Variants in RPS6KA6 observed in about 807,000 individuals in gnomAD.
RPS6KA6 encodes ribosomal protein S6 kinase A6.
A neutral mutation model predicts 65.4 loss-of-function variants in RPS6KA6; 27 were observed. The ratio of observed to expected loss-of-function variants is 0.41; its 90% CI spans 0.30 to 0.57. The LOEUF (loss-of-function observed/expected upper bound fraction) is 0.57, where lower values mean the gene tolerates loss of function less well. Among genes scored for constraint, RPS6KA6 ranks in the 20% least tolerant of loss-of-function variants. RPS6KA6 has a pLI of 0.24. For synonymous variants in RPS6KA6, 190 were observed against 184.2 expected, an observed-to-expected ratio of 1.03 and a Z score of -0.26; for missense variants, 486 against 555.6, an observed-to-expected ratio of 0.87 and a Z score of 1.26.
Position 84,104,523 on chromosome X carries a change from T to C in RPS6KA6, c.1590A>G (p.Thr530=). 1 of 1,152,560 alleles carries C rather than the reference T, an allele frequency of 8.7e-7. No individual in the cohort carries two copies. The highest frequency in any genetic ancestry group is 2.2e-5 in the South Asian group (1 of 45,426). 95.0% of individuals were successfully genotyped at this position (1,152,560 alleles called of 1,213,427 possible). Residue 530 remains threonine (T), a synonymous_variant, in exon 17 of 22, where the codon ACA becomes ACG. Transcript: ENST00000262752. ...ASDILYVISK[T]VDYLHCQGVV... The stretch of plus-strand genomic sequence containing the variant: ...CTCCTTGACAATGAAGATAGTCAAC[T>C]GTCTTACTTATTACATATAGTATAT...
intron 8 of RPS6KA6, among the ~76,000 whole-genome samples, chrX:84,133,037 A>C (rs1363737040): frequency 8.9e-6 from 1 of 112,429 alleles, no homozygotes; most frequent in African/African-American, 3.2e-5. Context: ...AAGAATATAA[A>C]ATAAATCAAA....
intron 20 of RPS6KA6, among the ~76,000 whole-genome samples, chrX:84,067,915 G>C (rs2033440943): frequency 8.9e-6 from 1 of 112,044 alleles, no homozygotes; most frequent in African/African-American, 3.3e-5. Context: ...ACTAACAGTA[G>C]ATCTCTCTGC....
chrX:84,059,487 A>T lies in RPS6KA6; in HGVS notation c.*4790T>A, dbSNP rs1466323776. On this transcript the variant is annotated 3_prime_UTR_variant, in exon 22 of 22. Transcript: ENST00000262752. ...AAAAATAATTTTATCATACTAAAAA[A>T]CAAAACACTACATATTTGTTATAAG... 2 of 111,720 alleles carry T rather than the reference A, an allele frequency of 1.8e-5. No homozygotes were observed. Among genetic ancestry groups the T allele is most frequent in the Admixed American group, 1.9e-4 (2 of 10,466 alleles). 9.2% of individuals were successfully genotyped at this position (111,720 alleles called of 1,213,427 possible). A position where few individuals can be genotyped will look rare whatever the true frequency, so the allele number is the denominator to read the frequency against.
chrX:84,188,389 G>A (rs1210755881), upstream of RPS6KA6, among the ~76,000 whole-genome samples: 1 of 109,671 alleles, frequency 9.1e-6, no homozygotes, highest in Non-Finnish European at 1.9e-5. Flanking sequence ...GTGGATGCGG[G>A]GGACCGCGTG....
chrX:84,130,404 G>A lies in RPS6KA6; in HGVS notation c.646+4378C>T, dbSNP rs749594646. Among the ~76,000 whole-genome samples the A allele has an allele frequency of 1.4e-4, 16 of 111,589 alleles. No homozygotes were observed. In the East Asian group the frequency reaches 4.2e-3, roughly 29 times the overall value. ...CAGATCCACTGGACATTGTGGGTGG[G>A]TATACAAAATATTACAACCACTTTG... On this transcript the variant is annotated intron_variant, in intron 8 of 21. Coordinates refer to ENST00000262752, the MANE Select transcript of RPS6KA6 (RefSeq NM_014496.5).
intron 20 of RPS6KA6, among the ~76,000 whole-genome samples, chrX:84,092,658 A>G (rs751046311): frequency 9.0e-6 from 1 of 110,715 alleles, no homozygotes; most frequent in Non-Finnish European, 1.9e-5. Context: ...CCTCACTCCA[A>G]TCAGAGTGGC....
intron 20 of RPS6KA6, among the ~76,000 whole-genome samples, chrX:84,080,348 C>T (rs2033765453): frequency 2.0e-5 from 1 of 51,016 alleles, no homozygotes. Context: ...AAAGGATGTC[C>T]AGACAAAAAC....
chrX:84,150,281 C>A (rs2035276997), intron 3 of RPS6KA6, among the ~76,000 whole-genome samples: 1 of 111,393 alleles, frequency 9.0e-6, no homozygotes, highest in Non-Finnish European at 1.9e-5. Context: ...AAGGCTGTTT[C>A]ACTTTCTTCT....
At chrX:84,181,741 A>G (rs1007706322) in intron 1 of RPS6KA6, among the ~76,000 whole-genome samples, 1 of 110,465 alleles carries the variant, frequency 9.1e-6, no homozygotes, top group Non-Finnish European at 1.9e-5. Context: ...CCAGGTAAAT[A>G]TAACACACAG....
intron 1 of RPS6KA6, among the ~76,000 whole-genome samples, chrX:84,171,404 A>G (rs1312006188): frequency 8.9e-6 from 1 of 111,918 alleles, no homozygotes; most frequent in African/African-American, 3.3e-5. Flanking sequence ...CCCCTGAAAC[A>G]GACTTTCCAG....
intron 8 of RPS6KA6, among the ~76,000 whole-genome samples, chrX:84,122,735 T>C (rs967184812): frequency 1.8e-5 from 2 of 111,437 alleles, no homozygotes; most frequent in Admixed American, 1.9e-4. Context: ...GCCAAAGTGC[T>C]CTGGGGTCCT....
intron 2 of RPS6KA6, among the ~76,000 whole-genome samples, chrX:84,157,468 T>A (rs757619726): frequency 3.6e-5 from 4 of 111,606 alleles, no homozygotes; most frequent in East Asian, 5.6e-4. Context: ...GGTCCTTTTT[T>A]AAAAAAGTAA....
At chrX:84,158,334 T>C (rs764649123) in intron 2 of RPS6KA6, among the ~76,000 whole-genome samples, 34 of 110,945 alleles carry the variant, frequency 3.1e-4, no homozygotes, top group Non-Finnish European at 4.4e-4. Context: ...ACCTTAAATA[T>C]ATACAATAGA....
chrX:84,148,197 A>G (rs1193629904), intron 3 of RPS6KA6, 74 bp from the exon 4 acceptor site: 3 of 573,918 alleles, frequency 5.2e-6, no homozygotes, highest in Non-Finnish European at 8.4e-6. Flanking sequence ...CAAACACACC[A>G]GCATACACTT....
chrX:84,148,199 C>G, intron 3 of RPS6KA6, 76 bp from the exon 4 acceptor site: 1 of 569,541 alleles, frequency 1.8e-6, no homozygotes. Flanking sequence ...AACACACCAG[C>G]ATACACTTAT....
chrX:84,138,472 G>T (rs189382315), intron 6 of RPS6KA6, among the ~76,000 whole-genome samples: 98 of 111,289 alleles, frequency 8.8e-4, no homozygotes, highest in African/African-American at 2.9e-3. Context: ...AGGATTGCCT[G>T]AGCATGGGAG....
chrX:84,165,026 G>A (rs954312057), intron 1 of RPS6KA6, among the ~76,000 whole-genome samples: 11 of 110,964 alleles, frequency 9.9e-5, no homozygotes, highest in South Asian at 3.8e-4. Context: ...CCTCTTGTCC[G>A]TTTCTGTAAA....
chrX:84,100,118 A>C lies in RPS6KA6; in HGVS notation c.1776+1919T>G, dbSNP rs2034231935. 2.7e-5 allele frequency among the ~76,000 whole-genome samples: 3 copies of C among 111,761 alleles called. No homozygotes were observed. The Admixed American group carries it at 2.9e-4, about 11-fold the overall frequency. Reference sequence around the variant, plus strand: ...ATTAATAACAATTTACAAATATATTATTGATTCCTAGCATGGGCTTCATCA... The same window carrying C: ...ATTAATAACAATTTACAAATATATTCTTGATTCCTAGCATGGGCTTCATCA... On this transcript the variant is annotated intron_variant, in intron 18 of 21. Coordinates refer to ENST00000262752, the MANE Select transcript of RPS6KA6 (RefSeq NM_014496.5).
At chrX:84,066,024 C>A (rs1271060803) in intron 20 of RPS6KA6, among the ~76,000 whole-genome samples, 2 of 110,762 alleles carry the variant, frequency 1.8e-5, no homozygotes, top group African/African-American at 6.6e-5. Context: ...AGCCAGGGGA[C>A]CTCTCTCCCT....
Sources: allele counts gnomAD v4.1 joint callset (sites outside exome capture counted in the v4.1 genomes callset), GRCh38; gene constraint gnomAD v4.1.1; transcripts MANE v1.5; gene names NCBI Gene and HGNC (gene_info 2026-07-23, HGNC 2026-07-21).